THTPA: variants seen among roughly 807,000 people sequenced by gnomAD.
THTPA encodes the protein thiamine-triphosphatase.
Under a neutral mutation model 16.5 loss-of-function variants are expected in THTPA, and 16 were observed. The ratio of observed to expected loss-of-function variants is 0.97; its 90% CI spans 0.66 to 1.47. The LOEUF is 1.47. Ranked by LOEUF, THTPA falls within the 40% of genes most tolerant of loss-of-function variation. THTPA has a pLI of 0.00. For synonymous variants in THTPA, 110 were observed against 115.5 expected, an observed-to-expected ratio of 0.95 and a Z score of 0.30; for missense variants, 281 against 280.9, an observed-to-expected ratio of 1.00 and a Z score of 0.00.
the THTPA span, among the ~76,000 whole-genome samples, chr14:23,544,559 G>A: frequency 4.6e-5 from 7 of 152,180 alleles, no homozygotes; most frequent in Non-Finnish European, 5.9e-5. Flanking sequence ...CCATGTACAC[G>A]TGTGTGGGCC....
the THTPA span, chr14:23,528,923 G>A: frequency 1.3e-6 from 1 of 783,186 alleles, no homozygotes; most frequent in Non-Finnish European, 1.6e-6. Context: ...AAAGGAAGGG[G>A]ATCCAGATGC....
chr14:23,557,357 G>A lies in THTPA; in HGVS notation c.547+53G>A, dbSNP rs192737610. 118 of 1,492,528 alleles carry A rather than the reference G, an allele frequency of 7.9e-5. No individual in the cohort carries two copies. In the East Asian group the frequency reaches 2.1e-3, roughly 26 times the overall value. The allele number at this position is 1,492,528 out of a possible 1,614,324, so 92.5% of individuals were successfully genotyped here. ...TTCCTGCTCCCCACTTTTCTCTTTT[G>A]GAGGCACCTGCTGGACCATGCAGTG... On this transcript the variant is annotated intron_variant, in intron 1 of 1. Coordinates refer to ENST00000288014, the MANE Select transcript of THTPA (RefSeq NM_024328.6).
At chr14:23,526,599 G>T in the THTPA span, 85 of 1,535,918 alleles carry the variant, frequency 5.5e-5, no homozygotes, top group African/African-American at 1.0e-3. Context: ...CTTCCTGAGG[G>T]TTTGTCTGGG....
the THTPA span, chr14:23,520,721 C>T: frequency 3.3e-4 from 50 of 151,198 alleles, no homozygotes; most frequent in African/African-American, 1.1e-3. The surrounding 1 kb of genome is among the most constrained non-coding windows in gnomAD (Gnocchi z 8.7). Flanking sequence ...CCTTCGAGGA[C>T]CACCAGACCC....
At chr14:23,554,533 C>A (rs1012277080), upstream of THTPA, among the ~76,000 whole-genome samples, 1 of 150,928 alleles carries the variant, frequency 6.6e-6, no homozygotes, top group Non-Finnish European at 1.5e-5. Context: ...TGCACTACCA[C>A]ACCCGGCTAA....
the THTPA span, among the ~76,000 whole-genome samples, chr14:23,518,094 A>G: frequency 6.6e-6 from 1 of 152,084 alleles, no homozygotes; most frequent in African/African-American, 2.4e-5. This position sits in a 1 kb window ranked among gnomAD's most constrained non-coding sequence, Gnocchi z 4.5. Flanking sequence ...ATGGGGCCCC[A>G]TCCTTGCTGG....
chr14:23,544,477 T>C, the THTPA span, among the ~76,000 whole-genome samples: 4,330 of 152,308 alleles, frequency 0.028, 101 homozygotes, highest in Middle Eastern at 0.065. Context: ...AACCTGGCTG[T>C]AGCCCTGTCC....
chr14:23,556,706 C>G lies in THTPA; in HGVS notation c.-52C>G. 1 of 1,562,380 alleles carries G rather than the reference C, an allele frequency of 6.4e-7. No individual in the cohort carries two copies. Among genetic ancestry groups the G allele is most frequent in the Non-Finnish European group, 8.7e-7 (1 of 1,154,018 alleles). On this transcript the variant is annotated 5_prime_UTR_variant, in exon 1 of 2. Coordinates refer to ENST00000288014, the MANE Select transcript of THTPA (RefSeq NM_024328.6). ...GACGCCCCAGGAGCTGAGCACCAGGCTTTGCATCCTTGGGAACTCAGCAAA... is the reference window on the plus strand; with the variant it reads ...GACGCCCCAGGAGCTGAGCACCAGGGTTTGCATCCTTGGGAACTCAGCAAA...
chr14:23,531,661 A>G, the THTPA span: 5 of 1,500,970 alleles, frequency 3.3e-6, no homozygotes, highest in South Asian at 1.3e-5. Context: ...CACGCACACA[A>G]CAGGCAGTGG....
chr14:23,533,042 T>C, the THTPA span: 1 of 1,534,784 alleles, frequency 6.5e-7, no homozygotes, highest in Non-Finnish European at 8.7e-7. This position sits in a 1 kb window ranked among gnomAD's most constrained non-coding sequence, Gnocchi z 4.8. Flanking sequence ...ACCCAGGAGC[T>C]GACTTGGAGG....
At chr14:23,533,084 G>C in the THTPA span, 9 of 1,521,860 alleles carry the variant, frequency 5.9e-6, no homozygotes, top group African/African-American at 1.4e-5. This position sits in a 1 kb window ranked among gnomAD's most constrained non-coding sequence, Gnocchi z 4.8. Context: ...GCTTCCAGGG[G>C]CTAGAGGACA....
chr14:23,549,410 G>A, the THTPA span, among the ~76,000 whole-genome samples: 1 of 152,072 alleles, frequency 6.6e-6, no homozygotes, highest in Non-Finnish European at 1.5e-5. Context: ...CCTGAGGTTT[G>A]GAAAAACAAT....
chr14:23,540,856 G>C, the THTPA span, among the ~76,000 whole-genome samples: 1 of 152,120 alleles, frequency 6.6e-6, no homozygotes, highest in African/African-American at 2.4e-5. Flanking sequence ...GTGGAGCATG[G>C]TGTTTGCACA....
the THTPA span, among the ~76,000 whole-genome samples, chr14:23,520,074 C>T: frequency 6.6e-6 from 1 of 152,180 alleles, no homozygotes; most frequent in East Asian, 1.9e-4. The surrounding 1 kb of genome is among the most constrained non-coding windows in gnomAD (Gnocchi z 8.7). Flanking sequence ...CACCTGATGG[C>T]TACAGAAACC....
At chr14:23,532,383 CT>C in the THTPA span, 1 of 683,540 alleles carries the variant, frequency 1.5e-6, no homozygotes, top group Non-Finnish European at 2.2e-6. Context: ...GTTTACTATC[CT>C]TTGGTCTCTT....
the THTPA span, among the ~76,000 whole-genome samples, chr14:23,537,777 G>T: frequency 6.6e-6 from 1 of 152,160 alleles, no homozygotes. Context: ...AATCCATGGT[G>T]GGGGAGAGGG....
At chr14:23,534,953 C>G in the THTPA span, 24 of 1,536,142 alleles carry the variant, frequency 1.6e-5, 1 homozygote, top group African/African-American at 3.0e-4. The surrounding 1 kb of genome is among the most constrained non-coding windows in gnomAD (Gnocchi z 4.5). Flanking sequence ...AGCTTGGCCA[C>G]TAGGTAGGCC....
At chr14:23,532,533 C>A in the THTPA span, 7 of 1,429,140 alleles carry the variant, frequency 4.9e-6, no homozygotes, top group Non-Finnish European at 6.4e-6. Flanking sequence ...ATTCCCTTCT[C>A]CTCTTCCGAT....
chr14:23,521,684 T>C, the THTPA span: 1 of 430,848 alleles, frequency 2.3e-6, no homozygotes, highest in Non-Finnish European at 4.1e-6. Context: ...ATAATCAGGG[T>C]GCCAAGATGG....
Sources: gnomAD v4.1 joint callset for allele counts (sites outside exome capture counted in the v4.1 genomes callset) on GRCh38, gnomAD v4.1.1 for gene constraint, Gnocchi (gnomAD v3.1) non-coding constraint, MANE v1.5 for transcripts, NCBI Gene and HGNC (gene_info 2026-07-23, HGNC 2026-07-21) for gene names.